Variants in LRRC4C observed in about 807,000 individuals in gnomAD.
LRRC4C encodes the protein leucine-rich repeat-containing protein 4C.
Under a neutral mutation model 33.6 loss-of-function variants are expected in LRRC4C, and 5 were observed. The observed-to-expected ratio is 0.15, with a 90% CI of 0.08 to 0.31. The LOEUF is 0.31. LRRC4C is among the 10% of genes least tolerant of loss of function. LRRC4C has a pLI of 1.00. For synonymous variants in LRRC4C, 329 were observed against 302.0 expected, an observed-to-expected ratio of 1.09 and a Z score of -0.93; for missense variants, 560 against 796.7, an observed-to-expected ratio of 0.70 and a Z score of 3.58.
chr11:41,257,029 A>G (rs1164190304), intron 1 of LRRC4C, among the ~76,000 whole-genome samples: 1 of 151,992 alleles, frequency 6.6e-6, no homozygotes, highest in East Asian at 1.9e-4. Flanking sequence ...GTGGGACCCA[A>G]TCTAAAAGGA....
intron 1 of LRRC4C, among the ~76,000 whole-genome samples, chr11:40,990,690 G>T (rs1173453529): frequency 1.3e-5 from 2 of 152,102 alleles, no homozygotes; most frequent in Non-Finnish European, 2.9e-5. Flanking sequence ...AAAACTGATG[G>T]TGCCTTAGCA....
intron 5 of LRRC4C, among the ~76,000 whole-genome samples, chr11:40,180,561 T>A (rs1860904527): frequency 6.6e-6 from 1 of 152,156 alleles, no homozygotes; most frequent in Non-Finnish European, 1.5e-5. Context: ...AGAGCACATT[T>A]CTGGGATGAT....
intron 1 of LRRC4C, among the ~76,000 whole-genome samples, chr11:41,448,147 C>CTTTTT (rs1955895977): frequency 4.2e-5 from 1 of 23,606 alleles, no homozygotes; most frequent in Non-Finnish European, 9.7e-5. Context: ...TTTTTTGGAG[C>CTTTTT]TTTACTTCAT....
chr11:40,271,016 C>A (rs1330807798), intron 4 of LRRC4C, among the ~76,000 whole-genome samples: 2 of 152,094 alleles, frequency 1.3e-5, no homozygotes, highest in African/African-American at 4.8e-5. Context: ...AGGGTGTTGC[C>A]ACAAAAGTTG....
chr11:41,202,334 A>T (rs1399250521), intron 1 of LRRC4C, among the ~76,000 whole-genome samples: 1 of 152,196 alleles, frequency 6.6e-6, no homozygotes, highest in Non-Finnish European at 1.5e-5. Context: ...ACCCACATAG[A>T]ATCAATAGCA....
intron 5 of LRRC4C, among the ~76,000 whole-genome samples, chr11:40,216,947 T>C (rs1473239805): frequency 5.3e-5 from 8 of 152,168 alleles, no homozygotes; most frequent in Non-Finnish European, 1.0e-4. Context: ...TTTTCAGTTC[T>C]GAGGAAGGAA....
intron 3 of LRRC4C, among the ~76,000 whole-genome samples, chr11:40,584,766 T>A (rs1420133216): frequency 2.6e-5 from 4 of 151,822 alleles, no homozygotes; most frequent in African/African-American, 9.7e-5. Flanking sequence ...ACCCCATCTC[T>A]ACTAAGAATA....
chr11:40,569,740 A>G (rs1957907637), intron 3 of LRRC4C, among the ~76,000 whole-genome samples: 1 of 152,150 alleles, frequency 6.6e-6, no homozygotes, highest in Non-Finnish European at 1.5e-5. Flanking sequence ...TTCAACATCT[A>G]TACTGAGGAT....
intron 5 of LRRC4C, among the ~76,000 whole-genome samples, chr11:40,165,158 G>A (rs1474984609): frequency 1.3e-5 from 2 of 152,106 alleles, no homozygotes; most frequent in East Asian, 3.9e-4. Flanking sequence ...GTATTTGTGT[G>A]TATTTATCTT....
chr11:41,307,190 C>G (rs1950529167), intron 1 of LRRC4C, among the ~76,000 whole-genome samples: 1 of 152,076 alleles, frequency 6.6e-6, no homozygotes, highest in Non-Finnish European at 1.5e-5. Context: ...TAAATAACAA[C>G]TCAATTTTTT....
chr11:41,319,509 A>G (rs1255643192), intron 1 of LRRC4C, among the ~76,000 whole-genome samples: 1 of 152,150 alleles, frequency 6.6e-6, no homozygotes, highest in Non-Finnish European at 1.5e-5. Flanking sequence ...TCTACATATC[A>G]TAATTGCCAA....
At chr11:41,231,418 A>G (rs1180316224) in intron 1 of LRRC4C, among the ~76,000 whole-genome samples, 2 of 151,780 alleles carry the variant, frequency 1.3e-5, no homozygotes, top group African/African-American at 4.9e-5. Context: ...CATATACACC[A>G]TGGAATACTA....
At chr11:40,462,936 G>A (rs1444941073) in intron 3 of LRRC4C, among the ~76,000 whole-genome samples, 2 of 151,902 alleles carry the variant, frequency 1.3e-5, no homozygotes, top group African/African-American at 4.8e-5. Flanking sequence ...AGAAAATGAT[G>A]TGAGAATTCT....
intron 3 of LRRC4C, among the ~76,000 whole-genome samples, chr11:40,551,390 A>G (rs1957122555): frequency 6.6e-6 from 1 of 152,024 alleles, no homozygotes; most frequent in South Asian, 2.1e-4. Flanking sequence ...AAGTACTATT[A>G]AGCTCCTTTT....
chr11:40,908,631 A>G (rs1183736512), intron 2 of LRRC4C, among the ~76,000 whole-genome samples: 1 of 152,194 alleles, frequency 6.6e-6, no homozygotes, highest in African/African-American at 2.4e-5. Context: ...CTTCTAAAAA[A>G]TTGTCAATCC....
At chr11:40,279,173 A>C (rs2136427147) in intron 4 of LRRC4C, among the ~76,000 whole-genome samples, 1 of 152,330 alleles carries the variant, frequency 6.6e-6, no homozygotes, top group South Asian at 2.1e-4. Flanking sequence ...TATGTCAGCA[A>C]ATTCTCTTTT....
chr11:40,766,353 TAAAAAAAAAAAAAAA>T (rs60152534), intron 2 of LRRC4C, among the ~76,000 whole-genome samples: 1,171 of 33,982 alleles, frequency 0.034, 49 homozygotes, highest in Middle Eastern at 0.077. Context: ...TTCAGTCTGT[TAAAAAAAAAAAAAAA>T]AAAAAAAAAA....
chr11:40,776,425 T>C (rs1292765482), intron 2 of LRRC4C, among the ~76,000 whole-genome samples: 1 of 152,120 alleles, frequency 6.6e-6, no homozygotes, highest in Non-Finnish European at 1.5e-5. Flanking sequence ...ATTGGTGTGT[T>C]CAGGGTTTCA....
At chr11:40,144,659 G>A (rs1476359479) in intron 5 of LRRC4C, among the ~76,000 whole-genome samples, 2 of 152,134 alleles carry the variant, frequency 1.3e-5, no homozygotes, top group Non-Finnish European at 2.9e-5. Context: ...AACAAATATA[G>A]GAGGAAGGCG....
Sources: gnomAD v4.1 joint callset for allele counts (sites outside exome capture counted in the v4.1 genomes callset) on GRCh38, gnomAD v4.1.1 for gene constraint, MANE v1.5 for transcripts, NCBI Gene and HGNC (gene_info 2026-07-23, HGNC 2026-07-21) for gene names.